PLPP1: variants seen among roughly 807,000 people sequenced by gnomAD.
PLPP1 encodes phospholipid phosphatase 1.
A neutral mutation model predicts 31.2 loss-of-function variants in PLPP1; 24 were observed. That is an observed-to-expected ratio of 0.77 (90% CI 0.56 to 1.08). PLPP1 has a LOEUF of 1.08. Ranked by LOEUF, PLPP1 falls within the 50% of genes least tolerant of loss-of-function variation. PLPP1 has a pLI of 0.00. For synonymous variants in PLPP1, 146 were observed against 126.3 expected (o/e 1.16, Z -1.05); for missense variants, 319 against 342.7 (o/e 0.93, Z 0.55).
chr5:55,487,017 T>C (rs191384529), intron 1 of PLPP1, among the ~76,000 whole-genome samples: 24 of 152,332 alleles, frequency 1.6e-4, no homozygotes, highest in African/African-American at 5.8e-4. Flanking sequence ...TTTAATAAGT[T>C]GGTCACAAAC....
At chr5:55,506,252 C>A in intron 1 of PLPP1, among the ~76,000 whole-genome samples, 1 of 120,648 alleles carries the variant, frequency 8.3e-6, no homozygotes. Flanking sequence ...GACACAAATA[C>A]AGCAAATTAC....
At chr5:55,534,319 A>G (rs1385058830) in intron 1 of PLPP1, among the ~76,000 whole-genome samples, 1 of 152,132 alleles carries the variant, frequency 6.6e-6, no homozygotes, top group Non-Finnish European at 1.5e-5. Flanking sequence ...CAAGGTATGG[A>G]GCGCAGAGGC....
At chr5:55,458,887 C>CAAAAAA (rs529067608) in intron 3 of PLPP1, among the ~76,000 whole-genome samples, 641 of 21,066 alleles carry the variant, frequency 0.03, 130 homozygotes, top group Non-Finnish European at 0.06. Flanking sequence ...ACCCTGTCTC[C>CAAAAAA]AAAAAAAAAA....
At chr5:55,486,363 T>C (rs1752774809) in intron 1 of PLPP1, among the ~76,000 whole-genome samples, 1 of 152,040 alleles carries the variant, frequency 6.6e-6, no homozygotes, top group African/African-American at 2.4e-5. Context: ...GGTGGGTGGA[T>C]TGCTTGAGGT....
chr5:55,432,564 A>G (rs1208441892), intron 4 of PLPP1, among the ~76,000 whole-genome samples: 4 of 152,176 alleles, frequency 2.6e-5, no homozygotes, highest in Non-Finnish European at 5.9e-5. Flanking sequence ...AAAACAGACA[A>G]GGATGCAACA....
chr5:55,468,061 T>C lies in PLPP1; in HGVS notation c.299A>G (p.Lys100Arg). 1.2e-6 allele frequency: 2 copies of C among 1,614,164 alleles called. No homozygotes were observed. Among genetic ancestry groups the C allele is most frequent in the Non-Finnish European group, 1.7e-6 (2 of 1,179,988 alleles). The change falls in exon 3 of 6, where the codon AAA becomes AGA. Residue 100 changes from lysine to arginine, a missense_variant. Transcript: ENST00000307259. The part of the protein sequence containing the change: ...IRNNYIATIY[K>R]AIGTFLFGAA... ...ACCAAATAAAAAGGTTCCAATGGCT[T>C]TGTAAATAGTGGCTATGTAGTTATT...
At chr5:55,501,939 T>C (rs1455265987) in intron 1 of PLPP1, among the ~76,000 whole-genome samples, 3 of 152,198 alleles carry the variant, frequency 2.0e-5, no homozygotes, top group African/African-American at 7.2e-5. Context: ...AGTGCTTTGA[T>C]TTAGTCACCA....
chr5:55,481,273 A>G (rs1360983157), intron 1 of PLPP1, among the ~76,000 whole-genome samples: 1 of 152,230 alleles, frequency 6.6e-6, no homozygotes, highest in African/African-American at 2.4e-5. Context: ...ACTCTTTTAC[A>G]TGTGAAGGGA....
Position 55,527,145 on chromosome 5 carries a change from CA to C in PLPP1, c.58+7426del, listed in dbSNP as rs978538390. On this transcript the variant is annotated intron_variant, in intron 1 of 5. Transcript: ENST00000307259. ...GCACAAAATGCTGGAAACTATTTAGCAAGTGAGAATCTTCCCAAAATACTTG... is the reference window on the plus strand; with the variant it reads ...GCACAAAATGCTGGAAACTATTTAGCAGTGAGAATCTTCCCAAAATACTTG... Among the ~76,000 whole-genome samples, 9 of 152,182 alleles carry C rather than the reference CA, an allele frequency of 5.9e-5. No homozygotes were observed. The East Asian group carries it at 1.7e-3, about 29-fold the overall frequency.
At chr5:55,525,826 T>TA (rs1170004068) in intron 1 of PLPP1, among the ~76,000 whole-genome samples, 1 of 151,640 alleles carries the variant, frequency 6.6e-6, no homozygotes, top group South Asian at 2.1e-4. Flanking sequence ...ATGCTACCTG[T>TA]AACCACTATT....
intron 1 of PLPP1, among the ~76,000 whole-genome samples, chr5:55,492,849 G>A (rs1752923910): frequency 6.6e-6 from 1 of 152,134 alleles, no homozygotes. Context: ...ACTAGGAAGT[G>A]GTGGAACCAG....
intron 1 of PLPP1, among the ~76,000 whole-genome samples, chr5:55,486,688 G>A (rs1579957776): frequency 6.6e-6 from 1 of 152,116 alleles, no homozygotes; most frequent in African/African-American, 2.4e-5. Flanking sequence ...GCCGAGGCGG[G>A]CAGATCACGA....
intron 1 of PLPP1, among the ~76,000 whole-genome samples, chr5:55,487,132 G>A (rs976465559): frequency 2.0e-5 from 3 of 152,116 alleles, no homozygotes; most frequent in Non-Finnish European, 4.4e-5. Context: ...TACTCAAGTC[G>A]ATTTAAAATA....
intron 4 of PLPP1, among the ~76,000 whole-genome samples, chr5:55,437,751 A>G (rs538129558): frequency 2.6e-5 from 4 of 152,316 alleles, no homozygotes; most frequent in African/African-American, 9.6e-5. Flanking sequence ...TTTAGGATTC[A>G]CTGAGGCACT....
chr5:55,455,897 C>T (rs1751995036), intron 3 of PLPP1, among the ~76,000 whole-genome samples: 1 of 152,072 alleles, frequency 6.6e-6, no homozygotes, highest in Admixed American at 6.6e-5. Context: ...TTTAATAAAC[C>T]CTCCAGATAA....
At position 55,462,574 on chromosome 5, in the gene PLPP1, T is replaced by C. The variant is rs552119723; in HGVS notation, c.491+5295A>G. ...AAAAATTTTGGAACGTTGAGGCAAG[T>C]AAAGATTTCTTAGGACACAGAAAGC... On this transcript the variant is annotated intron_variant, in intron 3 of 5. Transcript: ENST00000307259. Among the ~76,000 whole-genome samples, 27 of 152,192 alleles carry C rather than the reference T, an allele frequency of 1.8e-4. No individual in the cohort carries two copies. In the South Asian group the frequency reaches 5.4e-3, roughly 30 times the overall value.
chr5:55,501,314 AAAAAAAACAAACAAACAAATAAAC>A (rs1753139806), intron 1 of PLPP1, among the ~76,000 whole-genome samples: 1 of 151,846 alleles, frequency 6.6e-6, no homozygotes, highest in African/African-American at 2.4e-5. Context: ...ACTCCGTCTC[AAAAAAAACAAACAAACAAATAAAC>A]AAAAAAACAC....
chr5:55,498,738 A>T (rs1753056157), intron 1 of PLPP1, among the ~76,000 whole-genome samples: 1 of 152,194 alleles, frequency 6.6e-6, no homozygotes, highest in African/African-American at 2.4e-5. Flanking sequence ...GAAGTCCAAG[A>T]ACACGCTAGG....
At chr5:55,428,458 G>C (rs773459095) in intron 4 of PLPP1, among the ~76,000 whole-genome samples, 29 of 152,194 alleles carry the variant, frequency 1.9e-4, no homozygotes, top group Non-Finnish European at 3.5e-4. Flanking sequence ...GACATGCCCA[G>C]AAATCCGGAC....
Sources: gnomAD v4.1 joint callset for allele counts (sites outside exome capture counted in the v4.1 genomes callset) on GRCh38, gnomAD v4.1.1 for gene constraint, MANE v1.5 for transcripts, NCBI Gene and HGNC (gene_info 2026-07-23, HGNC 2026-07-21) for gene names.